The following TPH1 variants were observed in gnomAD, a reference collection of about 807,000 sequenced individuals.
The protein encoded by TPH1 is tryptophan hydroxylase 1, also known as tryptophan 5-hydroxylase 1.
Under a neutral mutation model 49.5 loss-of-function variants are expected in TPH1, and 37 were observed. That is an observed-to-expected ratio of 0.75 (90% CI 0.58 to 0.98). The LOEUF (loss-of-function observed/expected upper bound fraction) is 0.98, where lower values mean the gene tolerates loss of function less well. TPH1 is among the 50% of genes least tolerant of loss of function. TPH1 has a pLI of 0.00. For synonymous variants in TPH1, 160 were observed against 182.1 expected (o/e 0.88, Z 0.98); for missense variants, 487 against 523.6 (o/e 0.93, Z 0.68).
Position 18,022,897 on chromosome 11 carries a change from A to G in TPH1, c.1061T>C (p.Phe354Ser). ...CTGTTTGCAGGTAATCTTGGGATCA[A>G]AGGGCTTTACTTTGGCATGTCCAGA... The part of the protein sequence containing the change: ...ALSGHAKVKP[F>S]DPKITCKQEC... The change falls in exon 10 of 11, where the codon TTT becomes TCT. Residue 354 changes from phenylalanine to serine, a missense_variant. Phe to Ser is a radical substitution (Grantham distance 155). Coordinates refer to ENST00000682019, the MANE Select transcript of TPH1 (RefSeq NM_004179.3). 1 of 1,613,672 alleles carries G rather than the reference A, an allele frequency of 6.2e-7. No individual in the cohort carries two copies. Among genetic ancestry groups the G allele is most frequent in the Non-Finnish European group, 8.5e-7 (1 of 1,179,658 alleles).
intron 6 of TPH1, among the ~76,000 whole-genome samples, chr11:18,028,368 A>G (rs1847950692): frequency 6.6e-6 from 1 of 152,146 alleles, no homozygotes; most frequent in Non-Finnish European, 1.5e-5. Flanking sequence ...TTTTGCATGA[A>G]CACCCCCACG....
intron 1 of TPH1, among the ~76,000 whole-genome samples, chr11:18,043,617 AAAAC>A (rs201739372): frequency 0.067 from 10,250 of 152,136 alleles, 982 homozygotes; most frequent in African/African-American, 0.21. Context: ...AACAAAAACA[AAAAC>A]AAACAAACAA....
At position 18,022,763 on chromosome 11, in the gene TPH1, G is replaced by A. The variant is rs1298801382; in HGVS notation, c.1160+35C>T. On this transcript the variant is annotated intron_variant, in intron 10 of 10. Coordinates refer to ENST00000682019, the MANE Select transcript of TPH1 (RefSeq NM_004179.3). The stretch of plus-strand genomic sequence containing the variant: ...ACCATAATGGGGCTGATCTTTCCCT[G>A]AAGAAAATGAAGGCGTGAAGAAGAT... 7.5e-6 allele frequency: 12 copies of A among 1,609,818 alleles called. 1 individual carries two copies. Among genetic ancestry groups the A allele is most frequent in the South Asian group, 5.5e-5 (5 of 90,502 alleles).
intron 1 of TPH1, 112 bp from the exon 2 acceptor site, chr11:18,040,900 A>G: frequency 9.7e-7 from 1 of 1,035,404 alleles, no homozygotes; most frequent in South Asian, 1.5e-5. Flanking sequence ...TTAACCTTTT[A>G]TAAAACCTGG....
At chr11:18,036,410 C>G (rs933156848) in intron 2 of TPH1, among the ~76,000 whole-genome samples, 2 of 152,136 alleles carry the variant, frequency 1.3e-5, no homozygotes, top group African/African-American at 4.8e-5. Context: ...AATCAGAATT[C>G]AAATCAAAAT....
At chr11:18,024,055 A>G in intron 8 of TPH1, 72 bp from the exon 9 acceptor site, 1 of 1,198,738 alleles carries the variant, frequency 8.3e-7, no homozygotes, top group African/African-American at 1.5e-5. Context: ...ATTCTTAGTC[A>G]CTGACCCAAA....
Position 18,029,315 on chromosome 11 carries a change from T to C in TPH1, c.517A>G (p.Thr173Ala), listed in dbSNP as rs763282405. 6.2e-7 allele frequency: 1 copy of C among 1,614,084 alleles called. No individual in the cohort carries two copies. ...KVEFTEEEIK[T>A]WGTVFQELNK... ...AGCTCTTGGAATACGGTTCCCCAGG[T>C]CTTAATCTCCTCTTCAGTGAATTCA... Residue 173 changes from threonine to alanine, a missense_variant, in exon 6 of 11, where the codon ACC becomes GCC. Thr to Ala is a moderately conservative substitution (Grantham distance 58). Transcript: ENST00000682019.
chr11:18,040,696 A>G lies in TPH1; in HGVS notation c.67T>C (p.Ser23Pro). The G allele has an allele frequency of 6.2e-7, 1 of 1,612,432 alleles. No homozygotes were observed. The highest frequency in any genetic ancestry group is 8.5e-7 in the Non-Finnish European group (1 of 1,179,122). Reference sequence around the variant, plus strand: ...AGTCCTCCAACTTCATTCTTTAAGGAAAAAATGAGACTTGCTCTTCCCCTT... The same window carrying G: ...AGTCCTCCAACTTCATTCTTTAAGGGAAAAATGAGACTTGCTCTTCCCCTT... Reference protein sequence around the residue: ...LERGRASLIFSLKNEVGGLIK... With the variant: ...LERGRASLIFPLKNEVGGLIK... The change falls in exon 2 of 11, where the codon TCC (serine) becomes CCC (proline). Residue 23 changes from serine to proline, a missense_variant. Coordinates refer to ENST00000682019, the MANE Select transcript of TPH1 (RefSeq NM_004179.3).
intron 9 of TPH1, 127 bp from the exon 10 acceptor site, chr11:18,023,058 A>G (rs1854381673): frequency 9.5e-7 from 1 of 1,058,134 alleles, no homozygotes; most frequent in Non-Finnish European, 1.4e-6. Context: ...TTCCAAACTT[A>G]TTTCCTATAG....
Position 18,026,484 on chromosome 11 carries a change from ACTTACGG to A in TPH1, c.802_803+5del. On this transcript the variant is annotated splice_donor_variant and splice_donor_5th_base_variant and coding_sequence_variant and intron_variant, in exon 7 of 11. Transcript: ENST00000682019. LOFTEE classifies it high-confidence loss of function. The stretch of plus-strand genomic sequence containing the variant: ...ATGAATTCCTGGCTGAAATAGAAGT[ACTTACGG>A]CTCTGGGGTATAGAAGGGATCTGAA... The A allele has an allele frequency of 6.2e-7, 1 of 1,613,282 alleles. No homozygotes were observed. Among genetic ancestry groups the A allele is most frequent in the East Asian group, 2.2e-5 (1 of 44,850 alleles).
chr11:18,020,996 T>G lies in TPH1; in HGVS notation c.1330A>C (p.Ile444Leu). The change falls in exon 11 of 11, where the codon ATC becomes CTC. Residue 444 changes from isoleucine (I) to leucine (L), a missense_variant. By Grantham distance (5) the Ile-to-Leu change is conservative. Coordinates refer to ENST00000682019, the MANE Select transcript of TPH1 (RefSeq NM_004179.3). ...ALAKVSRKPS[I>L] is the part of the protein sequence containing the mutation. ...TCCTGGATGACTGGCTACTGTTAGA[T>G]ACTCGGCTTCCTGCTGACCTTAGCA... 1 of 1,613,994 alleles carries G rather than the reference T, an allele frequency of 6.2e-7. No homozygotes were observed. Among genetic ancestry groups the G allele is most frequent in the Non-Finnish European group, 8.5e-7 (1 of 1,179,914 alleles).
intron 1 of TPH1, among the ~76,000 whole-genome samples, chr11:18,041,924 A>G (rs1485753902): frequency 6.6e-6 from 1 of 152,224 alleles, no homozygotes; most frequent in Non-Finnish European, 1.5e-5. Context: ...TTTAAAAACA[A>G]GACAACTTGC....
chr11:18,034,276 G>A (rs540342429), intron 3 of TPH1, among the ~76,000 whole-genome samples: 2 of 152,274 alleles, frequency 1.3e-5, no homozygotes, highest in Admixed American at 1.3e-4. Flanking sequence ...CTCCAGAGAG[G>A]TAATTTATCC....
chr11:18,042,485 T>C, intron 1 of TPH1: 1 of 360,318 alleles, frequency 2.8e-6, no homozygotes, highest in Non-Finnish European at 5.5e-6. Flanking sequence ...AAATTGCTAG[T>C]AATAAATCTT....
At chr11:18,045,884 C>G (rs1200830206) in intron 1 of TPH1, among the ~76,000 whole-genome samples, 1 of 152,172 alleles carries the variant, frequency 6.6e-6, no homozygotes, top group Non-Finnish European at 1.5e-5. Flanking sequence ...CTTACTGTTT[C>G]TGCCAACATA....
intron 8 of TPH1, among the ~76,000 whole-genome samples, chr11:18,024,901 T>C (rs1233096866): frequency 6.6e-6 from 1 of 152,226 alleles, no homozygotes; most frequent in East Asian, 1.9e-4. Context: ...CATCCTGAGA[T>C]GCATTTCTTC....
At chr11:18,032,298 T>TG (rs796532972) in intron 4 of TPH1, among the ~76,000 whole-genome samples, 21 of 152,294 alleles carry the variant, frequency 1.4e-4, no homozygotes, top group African/African-American at 5.1e-4. Flanking sequence ...GTGGGCAGTG[T>TG]GGGGGGCAAG....
intron 2 of TPH1, among the ~76,000 whole-genome samples, chr11:18,040,262 T>C (rs1456922616): frequency 6.7e-6 from 1 of 148,242 alleles, no homozygotes; most frequent in African/African-American, 2.4e-5. Flanking sequence ...TTTAGAAATG[T>C]AAGTTCTTAA....
chr11:18,032,018 T>C (rs1847995446), intron 4 of TPH1, among the ~76,000 whole-genome samples: 1 of 152,138 alleles, frequency 6.6e-6, no homozygotes, highest in Admixed American at 6.5e-5. Context: ...TGCAATTAAT[T>C]GCAATAGTTA....
Sources: allele counts gnomAD v4.1 joint callset (sites outside exome capture counted in the v4.1 genomes callset), GRCh38; gene constraint gnomAD v4.1.1; transcripts MANE v1.5; gene names NCBI Gene and HGNC (gene_info 2026-07-23, HGNC 2026-07-21).